Variants in GSE1 observed in about 807,000 individuals in gnomAD.
GSE1 encodes genetic suppressor element 1.
Under a neutral mutation model 112.6 loss-of-function variants are expected in GSE1, and 32 were observed. The observed-to-expected ratio is 0.28, with a 90% CI of 0.21 to 0.38. The LOEUF is 0.38. GSE1 is among the 10% of genes least tolerant of loss of function. The pLI is 1.00. For missense variants in GSE1, 2,348 were observed against 1,699.2 expected, an observed-to-expected ratio of 1.38 and a Z score of -6.71; for synonymous variants, 1,115 against 735.6, an observed-to-expected ratio of 1.52 and a Z score of -8.35.
chr16:85,656,261 GT>G (rs753299964), intron 6 of GSE1, 81 bp from the exon 7 acceptor site: 4 of 1,544,750 alleles, frequency 2.6e-6, no homozygotes, highest in Non-Finnish European at 3.5e-6. Flanking sequence ...CTCGTTCCTG[GT>G]TATGCTTTTT....
At chr16:85,611,773 C>G (rs2047998830), upstream of GSE1, among the ~76,000 whole-genome samples, 1 of 151,792 alleles carries the variant, frequency 6.6e-6, no homozygotes, top group African/African-American at 2.4e-5. Context: ...CCCGAACGCT[C>G]TAGGCCCGCC....
intron 1 of GSE1, among the ~76,000 whole-genome samples, chr16:85,222,668 C>T (rs996044057): frequency 2.6e-5 from 4 of 152,162 alleles, no homozygotes; most frequent in Non-Finnish European, 4.4e-5. Flanking sequence ...AAATGAAGTC[C>T]AGGAAACGGA....
At chr16:85,231,131 A>AGGAT (rs58998019) in intron 1 of GSE1, among the ~76,000 whole-genome samples, 29,319 of 115,654 alleles carry the variant, frequency 0.25, 5,539 homozygotes, top group East Asian at 0.41. Flanking sequence ...GATGGATGGA[A>AGGAT]GGATGGATGG....
At chr16:85,539,524 G>A (rs2044446889) in intron 2 of GSE1, among the ~76,000 whole-genome samples, 1 of 152,226 alleles carries the variant, frequency 6.6e-6, no homozygotes, top group Non-Finnish European at 1.5e-5. Context: ...ATAAAGAATG[G>A]ATAACTCGAA....
intron 2 of GSE1, among the ~76,000 whole-genome samples, chr16:85,431,422 T>C (rs1405728452): frequency 1.3e-5 from 2 of 152,236 alleles, no homozygotes; most frequent in Non-Finnish European, 2.9e-5. Flanking sequence ...TGGCAACTAA[T>C]GCGAAAATAC....
chr16:85,290,968 G>T (rs916872509), intron 1 of GSE1, among the ~76,000 whole-genome samples: 14 of 152,238 alleles, frequency 9.2e-5, no homozygotes, highest in African/African-American at 3.4e-4. Flanking sequence ...CCCGTTCTCA[G>T]TGTCAGAGCC....
chr16:85,590,123 T>G (rs1289262232), intron 1 of GSE1, among the ~76,000 whole-genome samples: 1 of 152,114 alleles, frequency 6.6e-6, no homozygotes, highest in Non-Finnish European at 1.5e-5. Context: ...CAATTGAACG[T>G]GTGTGATCAT....
At chr16:85,656,795 G>A (rs1229190823) in intron 7 of GSE1, 130 bp downstream of exon 7, 2 of 1,303,418 alleles carry the variant, frequency 1.5e-6, no homozygotes, top group Admixed American at 2.9e-5. Context: ...AAAGCGTGGT[G>A]TGGCTGAACA....
upstream of GSE1, among the ~76,000 whole-genome samples, chr16:85,551,751 G>T (rs1164729059): frequency 4.6e-5 from 7 of 152,230 alleles, no homozygotes; most frequent in African/African-American, 9.7e-5. Context: ...CTGGGCTATC[G>T]CTAGAATTTT....
intron 2 of GSE1, among the ~76,000 whole-genome samples, chr16:85,376,203 A>T (rs2047416951): frequency 1.3e-5 from 2 of 152,136 alleles, no homozygotes; most frequent in Admixed American, 1.3e-4. Context: ...CAAGCAGAAC[A>T]TGGTGAGATG....
intron 2 of GSE1, among the ~76,000 whole-genome samples, chr16:85,642,801 G>T (rs887548484): frequency 7.9e-5 from 12 of 152,150 alleles, no homozygotes; most frequent in African/African-American, 2.9e-4. Context: ...TGCCTGAGCC[G>T]AGCTCGGCTG....
At chr16:85,551,593 T>C (rs1802433952), upstream of GSE1, among the ~76,000 whole-genome samples, 4 of 152,206 alleles carry the variant, frequency 2.6e-5, no homozygotes, top group South Asian at 8.3e-4. Flanking sequence ...TGCTTTCTGT[T>C]TCTCAGCTGT....
At chr16:85,292,032 C>G (rs1008294081) in intron 1 of GSE1, among the ~76,000 whole-genome samples, 2 of 152,206 alleles carry the variant, frequency 1.3e-5, no homozygotes, top group Non-Finnish European at 2.9e-5. Flanking sequence ...GAGGTGCCGC[C>G]CCCCATATTC....
At chr16:85,179,066 C>T (rs923187841) in intron 1 of GSE1, among the ~76,000 whole-genome samples, 11 of 152,084 alleles carry the variant, frequency 7.2e-5, no homozygotes, top group Admixed American at 2.0e-4. Flanking sequence ...GGTTTCAGTG[C>T]AGTCACGAAG....
chr16:85,390,674 C>T (rs1447159230), intron 2 of GSE1, among the ~76,000 whole-genome samples: 4 of 145,142 alleles, frequency 2.8e-5, no homozygotes, highest in African/African-American at 5.0e-5. Flanking sequence ...CCCGTACCCC[C>T]GCCTTGTCCC....
intron 12 of GSE1, 22 bp downstream of exon 12, chr16:85,665,150 C>T: frequency 7.1e-7 from 1 of 1,413,652 alleles, no homozygotes; most frequent in Non-Finnish European, 1.0e-6. Flanking sequence ...ATAGCCCCAC[C>T]TGCCACCACC....
intron 3 of GSE1, among the ~76,000 whole-genome samples, chr16:85,651,020 G>A (rs1310309412): frequency 8.0e-6 from 1 of 124,914 alleles, no homozygotes; most frequent in Admixed American, 7.9e-5. Flanking sequence ...GGAGAATGAC[G>A]GATTTGCTCC....
chr16:85,454,492 C>G (rs1354042844), intron 2 of GSE1, among the ~76,000 whole-genome samples: 1 of 152,264 alleles, frequency 6.6e-6, no homozygotes, highest in Non-Finnish European at 1.5e-5. Context: ...TTCCCTGGAG[C>G]ATCCATGCAG....
At chr16:85,379,759 C>T (rs1266231730) in intron 2 of GSE1, among the ~76,000 whole-genome samples, 1 of 152,238 alleles carries the variant, frequency 6.6e-6, no homozygotes, top group East Asian at 1.9e-4. Flanking sequence ...GCTACTGGAT[C>T]CTGGGCCCTG....
Sources: allele counts gnomAD v4.1 joint callset (sites outside exome capture counted in the v4.1 genomes callset), GRCh38; gene constraint gnomAD v4.1.1; transcripts MANE v1.5; gene names NCBI Gene and HGNC (gene_info 2026-07-23, HGNC 2026-07-21).